The following PLEKHG1 variants were observed in gnomAD, a reference collection of about 807,000 sequenced individuals.
PLEKHG1 encodes pleckstrin homology and RhoGEF domain containing G1, also known as pleckstrin homology domain-containing family G member 1.
PLEKHG1 carries 44 observed loss-of-function variants against 100.8 expected under a neutral mutation model. The observed-to-expected ratio is 0.44, with a 90% CI of 0.34 to 0.56. The LOEUF is 0.56. Among genes scored for constraint, PLEKHG1 ranks in the 20% least tolerant of loss-of-function variants. The pLI is 0.01. For synonymous variants in PLEKHG1, 640 were observed against 662.5 expected (o/e 0.97, Z 0.52); for missense variants, 1,545 against 1,720.9 (o/e 0.90, Z 1.81).
At chr6:150,840,663 G>A (rs1777482272) in exon 16 of PLEKHG1, 3 of 1,614,178 alleles carry the variant, frequency 1.9e-6, no homozygotes, top group African/African-American at 1.3e-5. Flanking sequence ...GTTTGTGGAT[G>A]CTGACTTTTC....
intron 3 of PLEKHG1, among the ~76,000 whole-genome samples, chr6:150,773,905 A>G (rs11968895): frequency 0.14 from 21,188 of 152,106 alleles, 1,735 homozygotes; most frequent in African/African-American, 0.22. Flanking sequence ...TGTAACTTTT[A>G]TGTTTTTTTA....
rs148178393 is a variant in PLEKHG1, at chr6:150,831,114, A to G, written c.2003A>G (p.Asp668Gly). The change falls in exon 15 of 16, where the codon GAC (aspartate) becomes GGC (glycine). Residue 668 changes from aspartate to glycine, a missense_variant. Physicochemically the swap from Asp to Gly is moderately conservative, Grantham distance 94. Transcript: ENST00000358517. This position sits in a 1 kb window ranked among gnomAD's most constrained non-coding sequence, Gnocchi z 4.1. ...GTCTATGATAACATCAGTTATGAGG[A>G]CTTAAAACTAATGGTTGCTAAGCGG... 9.3e-3 allele frequency: 15,068 copies of G among 1,613,894 alleles called. 90 individuals carry two copies. The highest frequency in any genetic ancestry group is 0.011 in the Non-Finnish European group (12,611 of 1,179,818).
intron 3 of PLEKHG1, among the ~76,000 whole-genome samples, chr6:150,657,834 C>T (rs931790101): frequency 2.6e-5 from 4 of 152,164 alleles, no homozygotes; most frequent in Non-Finnish European, 5.9e-5. Context: ...CTAATAGGCA[C>T]GGAAAGACTG....
chr6:150,719,425 A>G (rs539662822), upstream of PLEKHG1, among the ~76,000 whole-genome samples: 16 of 152,274 alleles, frequency 1.1e-4, no homozygotes, highest in Non-Finnish European at 2.1e-4. Flanking sequence ...CCCATCTAAG[A>G]GTTTAGAGCT....
At chr6:150,798,803 T>A (rs1016351114) in intron 5 of PLEKHG1, among the ~76,000 whole-genome samples, 1 of 152,214 alleles carries the variant, frequency 6.6e-6, no homozygotes, top group Non-Finnish European at 1.5e-5. Context: ...TGCAGTGGCA[T>A]GTTCTCACCT....
intron 3 of PLEKHG1, among the ~76,000 whole-genome samples, chr6:150,703,611 A>C (rs890925809): frequency 6.7e-6 from 1 of 149,182 alleles, no homozygotes; most frequent in Admixed American, 6.7e-5. Context: ...AAAAAAAAAA[A>C]AAACAAAACA....
chr6:150,781,939 T>C (rs1299310629), intron 3 of PLEKHG1, among the ~76,000 whole-genome samples: 1 of 133,956 alleles, frequency 7.5e-6, no homozygotes, highest in Non-Finnish European at 1.5e-5. Flanking sequence ...GCCCGGCTAA[T>C]TTTTTTTTTT....
intron 6 of PLEKHG1, among the ~76,000 whole-genome samples, chr6:150,801,572 G>C (rs1457219633): frequency 6.6e-6 from 1 of 151,216 alleles, no homozygotes; most frequent in Non-Finnish European, 1.5e-5. Context: ...TGAGTACCTG[G>C]GGCTCTAGGT....
In PLEKHG1 at chr6:150,776,164, C is replaced by T. The variant is rs137969537; in HGVS notation, c.512+7426C>T. On this transcript the variant is annotated intron_variant, in intron 3 of 15. Coordinates refer to ENST00000358517, the Ensembl canonical transcript of PLEKHG1. ...GAGAACAGTGTTTCCTCTCATTTCC[C>T]ACCCAACTAAGGGACCTGAGCTCAA... Among the ~76,000 whole-genome samples the T allele has an allele frequency of 4.7e-3, 718 of 152,316 alleles. 13 individuals are homozygous for T. The highest frequency in any genetic ancestry group is 0.017 in the African/African-American group (693 of 41,576).
intron 1 of PLEKHG1, among the ~76,000 whole-genome samples, chr6:150,601,717 C>CTT (rs1776366519): frequency 6.6e-6 from 1 of 152,186 alleles, no homozygotes; most frequent in African/African-American, 2.4e-5. Flanking sequence ...AATGGCTGCA[C>CTT]GACCTTCCCC....
chr6:150,784,480 A>G (rs1400107588), intron 3 of PLEKHG1, among the ~76,000 whole-genome samples: 7 of 152,244 alleles, frequency 4.6e-5, no homozygotes, highest in Non-Finnish European at 1.0e-4. Context: ...CTCAGAAAGC[A>G]TACCTTCTGT....
exon 1 of PLEKHG1, chr6:150,599,965 TC>T: frequency 4.4e-6 from 1 of 229,082 alleles, no homozygotes; most frequent in Non-Finnish European, 9.1e-6. Context: ...GCCCGCACCC[TC>T]CCCGCCCGAC....
chr6:150,666,127 C>T (rs535395274), intron 3 of PLEKHG1, among the ~76,000 whole-genome samples: 2 of 152,324 alleles, frequency 1.3e-5, no homozygotes, highest in South Asian at 4.1e-4. Flanking sequence ...CCTTCCTCTA[C>T]CCTGGCAGTA....
chr6:150,647,197 A>G (rs1173296819), intron 2 of PLEKHG1, among the ~76,000 whole-genome samples: 1 of 152,234 alleles, frequency 6.6e-6, no homozygotes, highest in East Asian at 1.9e-4. Flanking sequence ...GCCATGCCTA[A>G]CTCAGACCAT....
At chr6:150,646,757 T>A (rs2128571527) in intron 2 of PLEKHG1, among the ~76,000 whole-genome samples, 2 of 152,310 alleles carry the variant, frequency 1.3e-5, no homozygotes, top group Middle Eastern at 3.4e-3. Flanking sequence ...AAGAATCTAT[T>A]CCAAATAGTG....
At chr6:150,672,645 A>G (rs1402391184) in intron 3 of PLEKHG1, among the ~76,000 whole-genome samples, 1 of 152,272 alleles carries the variant, frequency 6.6e-6, no homozygotes, top group Non-Finnish European at 1.5e-5. Flanking sequence ...AGAAAAATAT[A>G]GTTATCTGTT....
At chr6:150,834,719 C>T (rs1777134986) in intron 15 of PLEKHG1, among the ~76,000 whole-genome samples, 1 of 152,140 alleles carries the variant, frequency 6.6e-6, no homozygotes, top group South Asian at 2.1e-4. Flanking sequence ...GATCTTTTCT[C>T]AGCTTTGCGT....
chr6:150,827,990 T>G lies in PLEKHG1; in HGVS notation c.1471-2592T>G, dbSNP rs113219085. 4.4e-5 allele frequency: 71 copies of G among 1,612,902 alleles called. 2 individuals are homozygous for G. Among genetic ancestry groups the G allele is most frequent in the African/African-American group, 4.0e-4 (30 of 75,020 alleles). ...ATTATGTTCAAGAAGTTACCAAAGC[T>G]GGCGAGGGCTTGTGGGTCATCTTGC... On this transcript the variant is annotated intron_variant, in intron 14 of 15. Coordinates refer to ENST00000358517, the Ensembl canonical transcript of PLEKHG1.
At position 150,785,722 on chromosome 6, in the gene PLEKHG1, C is replaced by G. The variant is rs1018161342; in HGVS notation, c.513-668C>G. On this transcript the variant is annotated intron_variant, in intron 3 of 15. Transcript: ENST00000358517. The stretch of plus-strand genomic sequence containing the variant: ...GCCATGGAGTCCCCAACCCCCAGGT[C>G]ACAGACAATACCAGTTTGTGACCTG... Among the ~76,000 whole-genome samples the G allele has an allele frequency of 2.0e-5, 3 of 152,042 alleles. No homozygotes were observed. The South Asian group carries it at 6.2e-4, about 32-fold the overall frequency.
Sources: allele counts gnomAD v4.1 joint callset (sites outside exome capture counted in the v4.1 genomes callset), GRCh38; gene constraint gnomAD v4.1.1; non-coding constraint Gnocchi (gnomAD v3.1); transcripts MANE v1.5; gene names NCBI Gene and HGNC (gene_info 2026-07-23, HGNC 2026-07-21).